Variants in PLCB1 observed in about 807,000 individuals in gnomAD.
PLCB1 encodes 1-phosphatidylinositol 4,5-bisphosphate phosphodiesterase beta-1.
Under a neutral mutation model 161.8 loss-of-function variants are expected in PLCB1, and 46 were observed. That is an observed-to-expected ratio of 0.28 (90% CI 0.22 to 0.36). PLCB1 has a LOEUF of 0.36. PLCB1 is among the 10% of genes least tolerant of loss of function. PLCB1 has a pLI of 1.00. For missense variants in PLCB1, 1,016 were observed against 1,472.5 expected (o/e 0.69, Z 5.07); for synonymous variants, 517 against 503.7 (o/e 1.03, Z -0.35).
Position 8,507,269 on chromosome 20 carries a change from C to T in PLCB1, c.247-121025C>T, listed in dbSNP as rs191593013. On this transcript the variant is annotated intron_variant, in intron 3 of 31. Transcript: ENST00000338037. ...CTTACTGTCTCAGGGATGGCAAAGG[C>T]AGAAGAAAATCAGAATATAAGTTAA... Among the ~76,000 whole-genome samples, 15 of 152,156 alleles carry T rather than the reference C, an allele frequency of 9.9e-5. No homozygotes were observed. In the East Asian group the frequency reaches 2.1e-3, roughly 22 times the overall value.
chr20:8,277,037 T>C (rs1269704541), intron 2 of PLCB1, among the ~76,000 whole-genome samples: 1 of 149,256 alleles, frequency 6.7e-6, no homozygotes, highest in Non-Finnish European at 1.5e-5. Context: ...AGTCTCACTC[T>C]GTTGCCAGGC....
intron 2 of PLCB1, among the ~76,000 whole-genome samples, chr20:8,237,868 C>T (rs1980407422): frequency 6.6e-6 from 1 of 152,004 alleles, no homozygotes; most frequent in Non-Finnish European, 1.5e-5. Flanking sequence ...AATGAAGTGT[C>T]AACTTTTAAA....
chr20:8,627,683 C>A (rs762278007), intron 3 of PLCB1, among the ~76,000 whole-genome samples: 1 of 152,172 alleles, frequency 6.6e-6, no homozygotes, highest in Non-Finnish European at 1.5e-5. Context: ...TTATGATGAC[C>A]CAAAGAATGC....
intron 29 of PLCB1, among the ~76,000 whole-genome samples, chr20:8,789,220 A>T (rs1424182352): frequency 1.3e-5 from 2 of 152,126 alleles, no homozygotes; most frequent in Non-Finnish European, 2.9e-5. Flanking sequence ...TCTACAAAAA[A>T]ATTTTAAGAT....
chr20:8,632,035 C>CTTTTTTTTTTG (rs1988608621), intron 4 of PLCB1, among the ~76,000 whole-genome samples: 1 of 45,984 alleles, frequency 2.2e-5, no homozygotes, highest in African/African-American at 1.0e-4. Context: ...GTTTTTTTTG[C>CTTTTTTTTTTG]TTTTTTTTTT....
At chr20:8,653,804 CA>C (rs1989381269) in intron 7 of PLCB1, among the ~76,000 whole-genome samples, 1 of 151,924 alleles carries the variant, frequency 6.6e-6, no homozygotes, top group South Asian at 2.1e-4. Context: ...TAGAATTAAG[CA>C]ACTCAGATTC....
intron 10 of PLCB1, among the ~76,000 whole-genome samples, chr20:8,697,223 A>G (rs1990602832): frequency 1.3e-5 from 2 of 152,160 alleles, no homozygotes; most frequent in South Asian, 4.1e-4. Context: ...TGGATCTTCT[A>G]CTTCCTAGCA....
At chr20:8,277,514 C>T (rs1982642885) in intron 2 of PLCB1, among the ~76,000 whole-genome samples, 1 of 151,922 alleles carries the variant, frequency 6.6e-6, no homozygotes, top group South Asian at 2.1e-4. Context: ...TATATAAATG[C>T]TACTTTAATA....
chr20:8,831,474 T>C (rs1008775504), intron 31 of PLCB1: 2 of 152,222 alleles, frequency 1.3e-5, no homozygotes, highest in South Asian at 4.1e-4. Context: ...CTGTATTAAT[T>C]GATTAATTTT....
intron 3 of PLCB1, among the ~76,000 whole-genome samples, chr20:8,475,259 C>T (rs917359739): frequency 3.3e-5 from 5 of 152,038 alleles, no homozygotes; most frequent in Admixed American, 6.6e-5. Context: ...TGGAGGCTTA[C>T]TCTGTGCTAC....
chr20:8,650,363 G>A (rs762006748), intron 7 of PLCB1, among the ~76,000 whole-genome samples: 18 of 151,974 alleles, frequency 1.2e-4, no homozygotes, highest in African/African-American at 3.6e-4. Flanking sequence ...CGCTTTCCAC[G>A]GTAATGATCC....
At chr20:8,773,800 C>T (rs1258472031) in intron 26 of PLCB1, among the ~76,000 whole-genome samples, 6 of 152,196 alleles carry the variant, frequency 3.9e-5, no homozygotes, top group East Asian at 1.9e-4. Context: ...ATGGTGAAAC[C>T]TCATCTCTAA....
intron 2 of PLCB1, among the ~76,000 whole-genome samples, chr20:8,221,960 A>G (rs541664182): frequency 3.0e-4 from 45 of 152,286 alleles, no homozygotes; most frequent in Admixed American, 1.4e-3. Flanking sequence ...AACTTTTAGT[A>G]AATGTTTTCA....
At chr20:8,209,241 T>C (rs1188775791) in intron 2 of PLCB1, among the ~76,000 whole-genome samples, 1 of 152,056 alleles carries the variant, frequency 6.6e-6, no homozygotes, top group Non-Finnish European at 1.5e-5. Context: ...GGTTACACAA[T>C]GTGTTTAACC....
chr20:8,765,116 G>A, intron 25 of PLCB1, 23 bp from the exon 26 acceptor site: 1 of 1,591,990 alleles, frequency 6.3e-7, no homozygotes. Flanking sequence ...CATTCCCTTA[G>A]CTTTCATATT....
chr20:8,276,330 T>A (rs1284583844), intron 2 of PLCB1, among the ~76,000 whole-genome samples: 1 of 152,228 alleles, frequency 6.6e-6, no homozygotes, highest in African/African-American at 2.4e-5. Context: ...GCACACATGT[T>A]ATTCACATGT....
At chr20:8,469,848 G>T (rs1192519077) in intron 3 of PLCB1, among the ~76,000 whole-genome samples, 2 of 152,130 alleles carry the variant, frequency 1.3e-5, no homozygotes, top group African/African-American at 4.8e-5. Context: ...TATTCGTAGA[G>T]TTATGCAACC....
At chr20:8,660,065 C>T (rs1028341042) in intron 9 of PLCB1, among the ~76,000 whole-genome samples, 1 of 150,596 alleles carries the variant, frequency 6.6e-6, no homozygotes, top group Non-Finnish European at 1.5e-5. Context: ...ATTCTACATG[C>T]TACTAGTTGG....
chr20:8,813,557 C>T (rs1426067935), intron 31 of PLCB1, among the ~76,000 whole-genome samples: 2 of 152,194 alleles, frequency 1.3e-5, no homozygotes, highest in East Asian at 1.9e-4. Flanking sequence ...GGGCCAGGCA[C>T]GGTGGCTCAC....
Sources: allele counts gnomAD v4.1 joint callset (sites outside exome capture counted in the v4.1 genomes callset), GRCh38; gene constraint gnomAD v4.1.1; transcripts MANE v1.5; gene names NCBI Gene and HGNC (gene_info 2026-07-23, HGNC 2026-07-21).